The following TMEM260 variants were observed in gnomAD, a reference collection of about 807,000 sequenced individuals.
TMEM260 encodes protein O-mannosyl-transferase TMEM260.
A neutral mutation model predicts 88.9 loss-of-function variants in TMEM260; 82 were observed. The observed-to-expected ratio is 0.92, with a 90% CI of 0.77 to 1.11. The LOEUF (loss-of-function observed/expected upper bound fraction) is 1.11. TMEM260 is among the 50% of genes least tolerant of loss of function. The probability of loss-of-function intolerance (pLI) is 0.00; values close to 1 mark genes in which losing one functional copy is unlikely to be tolerated. For missense variants in TMEM260, 902 were observed against 853.4 expected (o/e 1.06, Z -0.71); for synonymous variants, 314 against 309.3 (o/e 1.02, Z -0.16).
At position 56,593,753 on chromosome 14, in the gene TMEM260, T is replaced by C. The variant is rs982990416; in HGVS notation, c.344+7841T>C. Reference sequence around the variant, plus strand: ...CCCAGGCTGGAGTGCAGTGGCGGAATCTCGGCTCACTGCAAGCTCCGCTTC... The same window carrying C: ...CCCAGGCTGGAGTGCAGTGGCGGAACCTCGGCTCACTGCAAGCTCCGCTTC... On this transcript the variant is annotated intron_variant, in intron 3 of 15. Coordinates refer to ENST00000261556, the MANE Select transcript of TMEM260 (RefSeq NM_017799.4). Among the ~76,000 whole-genome samples the C allele has an allele frequency of 2.7e-4, 36 of 131,220 alleles. No homozygotes were observed. In the East Asian group the frequency reaches 8.3e-3, roughly 30 times the overall value. 86.1% of individuals were successfully genotyped at this position (131,220 alleles called of 152,430 possible).
At chr14:56,628,016 T>C (rs1275812394) in intron 12 of TMEM260, among the ~76,000 whole-genome samples, 2 of 152,230 alleles carry the variant, frequency 1.3e-5, no homozygotes, top group Non-Finnish European at 2.9e-5. Flanking sequence ...TGTAACCTGT[T>C]GATATTGGCA....
intron 12 of TMEM260, among the ~76,000 whole-genome samples, chr14:56,629,627 C>T (rs116049174): frequency 7.9e-5 from 12 of 152,260 alleles, no homozygotes; most frequent in East Asian, 1.9e-4. Flanking sequence ...AACTATTAGC[C>T]GTGAATTCTC....
intron 3 of TMEM260, among the ~76,000 whole-genome samples, chr14:56,599,157 C>CCTA (rs1190474724): frequency 2.0e-5 from 3 of 152,118 alleles, no homozygotes; most frequent in Admixed American, 6.5e-5. Context: ...CCATTAGCTC[C>CCTA]CTACTGGCTT....
chr14:56,593,171 ATC>A (rs1885970155), intron 3 of TMEM260: 1 of 152,274 alleles, frequency 6.6e-6, no homozygotes, highest in Non-Finnish European at 1.5e-5. Context: ...TTTCTTAGGA[ATC>A]TTATCTGGGT....
chr14:56,587,148 G>A (rs1013394679), intron 3 of TMEM260, among the ~76,000 whole-genome samples: 8 of 151,610 alleles, frequency 5.3e-5, no homozygotes, highest in Admixed American at 5.3e-4. Flanking sequence ...TAGGTTGAAT[G>A]GGAACTTCCT....
At chr14:56,652,359 A>C (rs1436836733), downstream of TMEM260, among the ~76,000 whole-genome samples, 1 of 151,988 alleles carries the variant, frequency 6.6e-6, no homozygotes, top group Admixed American at 6.6e-5. Context: ...TTAGCAGGGC[A>C]AGGTGGCATG....
intron 1 of TMEM260, 121 bp downstream of exon 1, chr14:56,580,195 C>T: frequency 2.7e-6 from 2 of 750,734 alleles, no homozygotes; most frequent in Non-Finnish European, 1.8e-6. Flanking sequence ...CCATCCACCC[C>T]CCTGTGCACA....
Position 56,625,540 on chromosome 14 carries a change from CT to C in TMEM260, c.1547+15del. 1 of 1,566,288 alleles carries C rather than the reference CT, an allele frequency of 6.4e-7. No individual in the cohort carries two copies. Among genetic ancestry groups the C allele is most frequent in the Non-Finnish European group, 8.7e-7 (1 of 1,146,308 alleles). Reference sequence around the variant, plus strand: ...TTGAAGTAAATAAACAGTAAGCATTCTTTTTATATAATAGCTTTTCTAAAAT... The same window carrying C: ...TTGAAGTAAATAAACAGTAAGCATTCTTTTATATAATAGCTTTTCTAAAAT... On this transcript the variant is annotated intron_variant, in intron 12 of 15. Coordinates refer to ENST00000261556, the MANE Select transcript of TMEM260 (RefSeq NM_017799.4).
intron 12 of TMEM260, among the ~76,000 whole-genome samples, chr14:56,632,469 A>G (rs1297300629): frequency 5.3e-5 from 8 of 152,118 alleles, no homozygotes; most frequent in Admixed American, 2.0e-4. Flanking sequence ...GCACCTGGGA[A>G]AGGAGAGAAA....
At chr14:56,588,590 C>G (rs542887839) in intron 3 of TMEM260, among the ~76,000 whole-genome samples, 1 of 152,122 alleles carries the variant, frequency 6.6e-6, no homozygotes, top group Non-Finnish European at 1.5e-5. Flanking sequence ...TTGGCAAGAA[C>G]TCATTTATAT....
At chr14:56,660,951 G>A in the TMEM260 span, among the ~76,000 whole-genome samples, 1 of 152,198 alleles carries the variant, frequency 6.6e-6, no homozygotes, top group African/African-American at 2.4e-5. Flanking sequence ...CATTTGTTCT[G>A]AAGGGACAGC....
At chr14:56,654,911 AT>A (rs1890274078), downstream of TMEM260, among the ~76,000 whole-genome samples, 1 of 151,042 alleles carries the variant, frequency 6.6e-6, no homozygotes, top group Admixed American at 6.6e-5. Flanking sequence ...TATGAACCTT[AT>A]GTATTCAGTG....
Position 56,601,811 on chromosome 14 carries a change from G to A in TMEM260, c.345-2004G>A, listed in dbSNP as rs147333160. Among the ~76,000 whole-genome samples, 47 of 152,188 alleles carry A rather than the reference G, an allele frequency of 3.1e-4. 1 individual carries two copies. The East Asian group carries it at 8.5e-3, about 28-fold the overall frequency. On this transcript the variant is annotated intron_variant, in intron 3 of 15. Transcript: ENST00000261556. ...ATTATCCCAGATTTGCCCAGTGGGA[G>A]CCTCTTTAAGCTGGCTCCTGTGTCC...
chr14:56,590,194 A>G (rs192060529), intron 3 of TMEM260, among the ~76,000 whole-genome samples: 2 of 152,272 alleles, frequency 1.3e-5, no homozygotes, highest in Admixed American at 1.3e-4. Context: ...AGCTTGGTTC[A>G]TTTGCATTTT....
chr14:56,616,177 C>G (rs1887583817), intron 8 of TMEM260, 150 bp downstream of exon 8: 1 of 578,402 alleles, frequency 1.7e-6, no homozygotes, highest in Non-Finnish European at 3.1e-6. Context: ...ACGTGTATTG[C>G]TTTCTTCTAT....
Position 56,605,568 on chromosome 14 carries a change from A to G in TMEM260, c.523-2A>G. The G allele has an allele frequency of 6.8e-7, 1 of 1,471,858 alleles. No individual in the cohort carries two copies. Among genetic ancestry groups the G allele is most frequent in the African/African-American group, 1.4e-5 (1 of 69,522 alleles). The allele number at this position is 1,471,858 out of a possible 1,614,324, so 91.2% of individuals were successfully genotyped here. A position where few individuals can be genotyped will look rare whatever the true frequency, so the allele number is the denominator to read the frequency against. On this transcript the variant is annotated splice_acceptor_variant, in intron 4 of 15. Transcript: ENST00000261556. LOFTEE classifies it high-confidence loss of function. ...TAATTTTTTTTTTTAATTTATTTTC[A>G]GGTAGCTAAAATTGGTGCTTTCTGC... is the stretch of plus-strand genomic sequence containing the variant.
Position 56,620,617 on chromosome 14 carries a change from C to T in TMEM260, c.1227-914C>T, listed in dbSNP as rs555218878. ...TTTTGCTAGGTGGCAAAATGTGCCT[C>T]ATCACTCTGCAACATAGGGAATCAG... On this transcript the variant is annotated intron_variant, in intron 10 of 15. Transcript: ENST00000261556. Among the ~76,000 whole-genome samples the T allele has an allele frequency of 3.3e-5, 5 of 152,276 alleles. No individual in the cohort carries two copies. The South Asian group carries it at 8.3e-4, about 25-fold the overall frequency.
At chr14:56,596,073 T>C (rs2139527862) in intron 3 of TMEM260, among the ~76,000 whole-genome samples, 1 of 152,200 alleles carries the variant, frequency 6.6e-6, no homozygotes, top group South Asian at 2.1e-4. Flanking sequence ...ATTTATATAG[T>C]AGTAAAAGAC....
At chr14:56,617,408 T>G (rs542136914) in intron 9 of TMEM260, 111 bp downstream of exon 9, 1 of 637,462 alleles carries the variant, frequency 1.6e-6, no homozygotes, top group African/African-American at 1.9e-5. Flanking sequence ...AGTTAAAATT[T>G]TATATACATT....
Sources: gnomAD v4.1 joint callset for allele counts (sites outside exome capture counted in the v4.1 genomes callset) on GRCh38, gnomAD v4.1.1 for gene constraint, MANE v1.5 for transcripts, NCBI Gene and HGNC (gene_info 2026-07-23, HGNC 2026-07-21) for gene names.